Variants in TMEM135 observed in about 807,000 individuals in gnomAD.
The protein encoded by TMEM135 is peroxisomal membrane protein 52.
TMEM135 carries 30 observed loss-of-function variants against 60.3 expected under a neutral mutation model. That is an observed-to-expected ratio of 0.50 (90% CI 0.37 to 0.68). The LOEUF (loss-of-function observed/expected upper bound fraction) is 0.68, where lower values mean the gene tolerates loss of function less well. TMEM135 is among the 30% of genes least tolerant of loss of function. The pLI is 0.00. For synonymous variants in TMEM135, 190 were observed against 186.7 expected (o/e 1.02, Z -0.14); for missense variants, 468 against 548.8 (o/e 0.85, Z 1.47).
chr11:87,226,878 G>A (rs921050933), intron 5 of TMEM135, among the ~76,000 whole-genome samples: 22 of 151,976 alleles, frequency 1.4e-4, no homozygotes, highest in Non-Finnish European at 3.1e-4. Context: ...GTGAAACCCC[G>A]TGTCTGCTAA....
intron 5 of TMEM135, among the ~76,000 whole-genome samples, chr11:87,203,769 GT>G (rs1431837684): frequency 6.6e-6 from 1 of 152,114 alleles, no homozygotes. Context: ...GTTTAATTTT[GT>G]AAGAAACCAC....
At chr11:87,141,191 GATA>G (rs1565458712) in intron 4 of TMEM135, among the ~76,000 whole-genome samples, 1 of 152,006 alleles carries the variant, frequency 6.6e-6, no homozygotes, top group East Asian at 1.9e-4. Flanking sequence ...GAGGAGATTT[GATA>G]ATATTAAATC....
At chr11:87,276,134 A>T (rs1331673548) in intron 6 of TMEM135, among the ~76,000 whole-genome samples, 1 of 152,204 alleles carries the variant, frequency 6.6e-6, no homozygotes, top group African/African-American at 2.4e-5. Context: ...ATAAAATTAT[A>T]AAGACTGGAC....
intron 3 of TMEM135, among the ~76,000 whole-genome samples, chr11:87,081,289 G>A (rs1158500246): frequency 1.5e-5 from 2 of 131,040 alleles, no homozygotes; most frequent in Non-Finnish European, 3.1e-5. Flanking sequence ...TACTTCCTTT[G>A]TATTGTTTGA....
In TMEM135 at chr11:87,240,057, C is replaced by T. The variant is rs141853159; in HGVS notation, c.509+3373C>T. On this transcript the variant is annotated intron_variant, in intron 6 of 14. Coordinates refer to ENST00000305494, the MANE Select transcript of TMEM135 (RefSeq NM_022918.4). ...TACTTCTGGTGTGTAATGTGAAATG[C>T]TTCAAGGCTTGGGCTGGCAAAAGGT... Among the ~76,000 whole-genome samples the T allele has an allele frequency of 3.2e-3, 494 of 152,124 alleles. 2 individuals carry two copies. Among genetic ancestry groups the T allele is most frequent in the African/African-American group, 0.011 (472 of 41,524 alleles).
At chr11:87,226,868 G>A (rs374116037) in intron 5 of TMEM135, among the ~76,000 whole-genome samples, 13 of 152,186 alleles carry the variant, frequency 8.5e-5, no homozygotes, top group African/African-American at 1.4e-4. Flanking sequence ...GGCCAACATG[G>A]TGAAACCCCG....
intron 6 of TMEM135, among the ~76,000 whole-genome samples, chr11:87,260,998 G>A (rs2135401257): frequency 6.6e-6 from 1 of 152,264 alleles, no homozygotes; most frequent in East Asian, 1.9e-4. Flanking sequence ...GTCACATCAG[G>A]AAATAACTTC....
At chr11:87,076,553 C>T (rs2374994) in intron 3 of TMEM135, among the ~76,000 whole-genome samples, 21,214 of 152,216 alleles carry the variant, frequency 0.14, 1,569 homozygotes, top group Non-Finnish European at 0.16. Context: ...CTGGTACCTA[C>T]GTGCAAGACA....
At chr11:87,304,960 C>G (rs1344992012) in intron 8 of TMEM135, among the ~76,000 whole-genome samples, 1 of 152,130 alleles carries the variant, frequency 6.6e-6, no homozygotes, top group African/African-American at 2.4e-5. Flanking sequence ...AAAATGAGTG[C>G]ATCCTGAACA....
At chr11:87,105,985 C>T (rs1857584935) in intron 4 of TMEM135, among the ~76,000 whole-genome samples, 1 of 152,172 alleles carries the variant, frequency 6.6e-6, no homozygotes, top group Non-Finnish European at 1.5e-5. Context: ...TCCAGGAGAT[C>T]AACTTTTTTA....
intron 6 of TMEM135, among the ~76,000 whole-genome samples, chr11:87,241,185 G>A (rs1941125004): frequency 6.6e-6 from 1 of 152,034 alleles, no homozygotes. Flanking sequence ...CAAGTCTTGA[G>A]TGAAAGACTT....
At chr11:87,275,482 A>T (rs1941951487) in intron 6 of TMEM135, among the ~76,000 whole-genome samples, 1 of 148,280 alleles carries the variant, frequency 6.7e-6, no homozygotes, top group African/African-American at 2.5e-5. Context: ...GCCAAAAATT[A>T]AAAAAAAAAT....
chr11:87,175,124 C>CT (rs1939335162), intron 5 of TMEM135, among the ~76,000 whole-genome samples: 1 of 152,116 alleles, frequency 6.6e-6, no homozygotes. Context: ...AGGAAGAAGA[C>CT]TGGACTAATT....
intron 5 of TMEM135, among the ~76,000 whole-genome samples, chr11:87,213,185 T>G (rs750175225): frequency 6.6e-6 from 1 of 152,180 alleles, no homozygotes; most frequent in Non-Finnish European, 1.5e-5. Flanking sequence ...TTCTCATTGC[T>G]TAGTGTAATT....
chr11:87,116,045 G>C (rs1343857301), intron 4 of TMEM135, among the ~76,000 whole-genome samples: 3 of 151,942 alleles, frequency 2.0e-5, no homozygotes, highest in Non-Finnish European at 4.4e-5. Flanking sequence ...TAGATTTATA[G>C]AATTACTTTT....
At chr11:87,055,668 C>T (rs1949887500) in intron 1 of TMEM135, among the ~76,000 whole-genome samples, 1 of 151,834 alleles carries the variant, frequency 6.6e-6, no homozygotes, top group South Asian at 2.1e-4. Flanking sequence ...TCGGCTCACG[C>T]CAACCTCCGC....
At chr11:87,286,265 T>C (rs369246648) in intron 6 of TMEM135, among the ~76,000 whole-genome samples, 1 of 147,100 alleles carries the variant, frequency 6.8e-6, no homozygotes, top group Non-Finnish European at 1.5e-5. Context: ...AGAGTGCTTA[T>C]TGGTGTATTT....
chr11:87,251,030 G>A (rs1299165848), intron 6 of TMEM135, among the ~76,000 whole-genome samples: 1 of 152,124 alleles, frequency 6.6e-6, no homozygotes, highest in African/African-American at 2.4e-5. Context: ...GATGAAAAAC[G>A]CTGGAAGGTA....
At chr11:87,066,444 C>G (rs993844139) in intron 1 of TMEM135, among the ~76,000 whole-genome samples, 2 of 152,016 alleles carry the variant, frequency 1.3e-5, no homozygotes, top group African/African-American at 4.8e-5. Context: ...ATATATCTTG[C>G]ACATATTATG....
Sources: gnomAD v4.1 joint callset for allele counts (sites outside exome capture counted in the v4.1 genomes callset) on GRCh38, gnomAD v4.1.1 for gene constraint, MANE v1.5 for transcripts, NCBI Gene and HGNC (gene_info 2026-07-23, HGNC 2026-07-21) for gene names.